Variants in ELAPOR1 observed in about 807,000 individuals in gnomAD.
ELAPOR1 encodes the protein endosome-lysosome associated apoptosis and autophagy regulator 1.
ELAPOR1 carries 77 observed loss-of-function variants against 119.7 expected under a neutral mutation model. The observed-to-expected ratio is 0.64, with a 90% CI of 0.54 to 0.78. The LOEUF is 0.78. ELAPOR1 is among the 30% of genes least tolerant of loss of function. The pLI is 0.00. For synonymous variants in ELAPOR1, 481 were observed against 487.2 expected (o/e 0.99, Z 0.17); for missense variants, 1,115 against 1,270.4 (o/e 0.88, Z 1.86).
chr1:109,114,453 G>T, intron 1 of ELAPOR1, 117 bp downstream of exon 1: 1 of 1,257,576 alleles, frequency 8.0e-7, no homozygotes, highest in Non-Finnish European at 1.1e-6. Flanking sequence ...GATTTCTTTG[G>T]GGATGAGGCG....
At chr1:109,170,610 TGTC>T (rs1373132845) in intron 3 of ELAPOR1, among the ~76,000 whole-genome samples, 1 of 152,092 alleles carries the variant, frequency 6.6e-6, no homozygotes, top group African/African-American at 2.4e-5. Flanking sequence ...TTGAAAGAAA[TGTC>T]ATAGAGTTGA....
rs146487893 is a variant in ELAPOR1, at chr1:109,140,142, G to T, written c.154-21752G>T. ...TTTAACAACTGTATTAACCAATGTG[G>T]TATATAACTTATAGGATAGTGTCTT... On this transcript the variant is annotated intron_variant, in intron 1 of 21. Transcript: ENST00000369939. Among the ~76,000 whole-genome samples, 871 of 149,078 alleles carry T rather than the reference G, an allele frequency of 5.8e-3. 11 individuals carry two copies. The highest frequency in any genetic ancestry group is 0.021 in the African/African-American group (828 of 40,058).
chr1:109,133,091 A>T (rs149136084), intron 1 of ELAPOR1, among the ~76,000 whole-genome samples: 1 of 152,014 alleles, frequency 6.6e-6, no homozygotes, highest in African/African-American at 2.4e-5. Context: ...TTAACCAGGC[A>T]TGGTGGCTTA....
Position 109,177,348 on chromosome 1 carries a change from C to T in ELAPOR1, c.952+3511C>T, listed in dbSNP as rs1302712705. On this transcript the variant is annotated intron_variant, in intron 7 of 21. Transcript: ENST00000369939. ...GCTCCTCACTTCTCAGACCGGGCGGCTGCCGGGCGGAGGGGCTCCTCACTT... is the reference window on the plus strand; with the variant it reads ...GCTCCTCACTTCTCAGACCGGGCGGTTGCCGGGCGGAGGGGCTCCTCACTT... 1.2e-4 allele frequency among the ~76,000 whole-genome samples: 11 copies of T among 93,722 alleles called. 1 individual carries two copies. Among genetic ancestry groups the T allele is most frequent in the Admixed American group, 5.2e-4 (5 of 9,696 alleles). 61.5% of individuals were successfully genotyped at this position (93,722 alleles called of 152,430 possible).
At chr1:109,178,782 T>C (rs1159267218) in intron 7 of ELAPOR1, among the ~76,000 whole-genome samples, 1 of 151,692 alleles carries the variant, frequency 6.6e-6, no homozygotes, top group Non-Finnish European at 1.5e-5. Flanking sequence ...CTGGCCAATA[T>C]GGTAAAACCC....
In ELAPOR1 at chr1:109,164,588, A is replaced by C. The variant is rs1651466655; in HGVS notation, c.364A>C (p.Ile122Leu). Residue 122 changes from isoleucine to leucine, a missense_variant, in exon 3 of 22, where the codon ATT becomes CTT. Physicochemically the swap from Ile to Leu is conservative, Grantham distance 5 (BLOSUM62 2). Coordinates refer to ENST00000369939, the MANE Select transcript of ELAPOR1 (RefSeq NM_020775.5). ...GGGCCGCTACTCCCTCGGCACAGGC[A>C]TTCGGTTTGATGAGTGGGATGAGCT... ...AEGRYSLGTG[I>L]RFDEWDELPH... 1 of 1,614,106 alleles carries C rather than the reference A, an allele frequency of 6.2e-7. No individual in the cohort carries two copies. Among genetic ancestry groups the C allele is most frequent in the Non-Finnish European group, 8.5e-7 (1 of 1,180,040 alleles).
chr1:109,201,262 T>A, intron 21 of ELAPOR1: 2 of 455,848 alleles, frequency 4.4e-6, no homozygotes, highest in South Asian at 1.6e-5. Flanking sequence ...ATCTCTGGGA[T>A]CAACTTCTGA....
At chr1:109,183,649 C>G (rs994160242) in intron 7 of ELAPOR1, among the ~76,000 whole-genome samples, 3 of 151,106 alleles carry the variant, frequency 2.0e-5, no homozygotes, top group African/African-American at 7.3e-5. Context: ...AACAGAGTCT[C>G]TCTCCATTGC....
intron 1 of ELAPOR1, among the ~76,000 whole-genome samples, chr1:109,129,957 C>A (rs1426740332): frequency 6.6e-6 from 1 of 152,096 alleles, no homozygotes; most frequent in East Asian, 1.9e-4. Context: ...GGGCCATGCA[C>A]CCTCTGAAGG....
Position 109,144,061 on chromosome 1 carries a change from A to ATT in ELAPOR1, c.154-17819_154-17818dup, listed in dbSNP as rs71069655. Among the ~76,000 whole-genome samples, 817 of 88,866 alleles carry ATT rather than the reference A, an allele frequency of 9.2e-3. 33 individuals carry two copies. The highest frequency in any genetic ancestry group is 0.024 in the East Asian group (78 of 3,314). 58.3% of individuals were successfully genotyped at this position (88,866 alleles called of 152,430 possible). On this transcript the variant is annotated intron_variant, in intron 1 of 21. Coordinates refer to ENST00000369939, the MANE Select transcript of ELAPOR1 (RefSeq NM_020775.5). ...TATATATATATATATATATTTATAT[A>ATT]TTTTTTTTTTTTTTTGAGATGGAGT...
chr1:109,197,956 A>G (rs1653932515), intron 16 of ELAPOR1, 23 bp from the exon 17 acceptor site: 1 of 1,597,328 alleles, frequency 6.3e-7, no homozygotes, highest in Non-Finnish European at 8.6e-7. Context: ...AGTGAGAACT[A>G]ATTAGGAGCT....
intron 1 of ELAPOR1, among the ~76,000 whole-genome samples, chr1:109,121,710 G>A (rs975081714): frequency 5.3e-5 from 8 of 151,774 alleles, no homozygotes; most frequent in Non-Finnish European, 1.2e-4. Flanking sequence ...GACAATTTCT[G>A]CAAATATGGA....
chr1:109,195,764 A>G (rs1653754326), intron 15 of ELAPOR1, among the ~76,000 whole-genome samples: 2 of 152,242 alleles, frequency 1.3e-5, no homozygotes, highest in Admixed American at 1.3e-4. Flanking sequence ...AATATTTCAG[A>G]TCCAAAATTC....
At chr1:109,127,171 A>G (rs1648832169) in intron 1 of ELAPOR1, among the ~76,000 whole-genome samples, 1 of 149,322 alleles carries the variant, frequency 6.7e-6, no homozygotes, top group African/African-American at 2.5e-5. Context: ...ATATATTCTC[A>G]TATTTCCTGG....
At position 109,185,082 on chromosome 1, in the gene ELAPOR1, CACAG is replaced by C. The variant is rs1296480808; in HGVS notation, c.994_997del (p.Asp332LysfsTer36). On this transcript the variant is annotated frameshift_variant, in exon 8 of 22. Coordinates refer to ENST00000369939, the MANE Select transcript of ELAPOR1 (RefSeq NM_020775.5). LOFTEE classifies it high-confidence loss of function. ...CTTCCTGTAACGTGCGCCCAGCTTG[CACAG>C]ACAAAGATTATTTCTACACACACAC... 97 of 1,614,034 alleles carry C rather than the reference CACAG, an allele frequency of 6.0e-5. No individual in the cohort carries two copies. Among genetic ancestry groups the C allele is most frequent in the Non-Finnish European group, 8.0e-5 (94 of 1,180,006 alleles).
chr1:109,128,713 G>A (rs1648953653), intron 1 of ELAPOR1, among the ~76,000 whole-genome samples: 2 of 152,194 alleles, frequency 1.3e-5, no homozygotes, highest in Non-Finnish European at 2.9e-5. Context: ...TTGTTAAGCA[G>A]TTGTTGAATA....
rs754542360 is a variant in ELAPOR1, at chr1:109,189,656, TCTCA to T, written c.1417_1420del (p.Thr473TrpfsTer12). On this transcript the variant is annotated frameshift_variant, in exon 11 of 22. Coordinates refer to ENST00000369939, the MANE Select transcript of ELAPOR1 (RefSeq NM_020775.5). LOFTEE classifies it high-confidence loss of function. ...GAGCCTCAGACAATGACTTCATGATTCTCACTCTGGTTGTGCCAGGATTTAGGTG... is the reference window on the plus strand; with the variant it reads ...GAGCCTCAGACAATGACTTCATGATTCTCTGGTTGTGCCAGGATTTAGGTG... 4.3e-6 allele frequency: 7 copies of T among 1,614,128 alleles called. No homozygotes were observed. Among genetic ancestry groups the T allele is most frequent in the Non-Finnish European group, 5.9e-6 (7 of 1,179,990 alleles).
rs1213321643 is a variant in ELAPOR1 at position 109,192,636 on chromosome 1, C to T, written c.1709C>T (p.Ala570Val). Residue 570 changes from alanine to valine, a missense_variant, in exon 14 of 22, where the codon GCC becomes GTC. Ala to Val is a moderately conservative substitution (Grantham distance 64). Transcript: ENST00000369939. ...AGCAGGAAGTACACCAATGACGTTG[C>T]CAAGATCTACTCCATCAATGTCACC... ...EASRKYTNDV[A>V]KIYSINVTNV... The T allele has an allele frequency of 4.3e-6, 7 of 1,614,032 alleles. No individual in the cohort carries two copies. Among genetic ancestry groups the T allele is most frequent in the African/African-American group, 1.3e-5 (1 of 74,898 alleles).
rs1310633771 is a variant in ELAPOR1 at position 109,185,114 on chromosome 1, C to T, written c.1022C>T (p.Ala341Val). The change falls in exon 8 of 22, where the codon GCC becomes GTC. Residue 341 changes from alanine to valine, a missense_variant. Physicochemically the swap from Ala to Val is moderately conservative, Grantham distance 64 (BLOSUM62 0). Coordinates refer to ENST00000369939, the MANE Select transcript of ELAPOR1 (RefSeq NM_020775.5). ...TDKDYFYTHT[A>V]CDANGETQLM... The stretch of plus-strand genomic sequence containing the variant: ...AAAGATTATTTCTACACACACACGG[C>T]CTGCGATGCCAACGGAGAGGTGGGT... 5 of 1,613,678 alleles carry T rather than the reference C, an allele frequency of 3.1e-6. No individual in the cohort carries two copies. The highest frequency in any genetic ancestry group is 3.3e-5 in the Admixed American group (2 of 60,004).
Sources: gnomAD v4.1 joint callset for allele counts (sites outside exome capture counted in the v4.1 genomes callset) on GRCh38, gnomAD v4.1.1 for gene constraint, MANE v1.5 for transcripts, NCBI Gene and HGNC (gene_info 2026-07-23, HGNC 2026-07-21) for gene names.